Variants in DHX9 observed in about 807,000 individuals in gnomAD.
DHX9 encodes DExH-box helicase 9.
Under a neutral mutation model 148.7 loss-of-function variants are expected in DHX9, and 27 were observed. That is an observed-to-expected ratio of 0.18 (90% CI 0.13 to 0.25). The LOEUF is 0.25. Ranked by LOEUF, DHX9 falls within the 10% of genes least tolerant of loss-of-function variation. The pLI is 1.00. For missense variants in DHX9, 796 were observed against 1,559.6 expected (o/e 0.51, Z 8.25); for synonymous variants, 529 against 516.6 (o/e 1.02, Z -0.33).
At chr1:182,854,509 G>T (rs1024128121) in intron 6 of DHX9, among the ~76,000 whole-genome samples, 6 of 152,060 alleles carry the variant, frequency 3.9e-5, no homozygotes, top group Non-Finnish European at 7.4e-5. Flanking sequence ...GCCAAAGGTG[G>T]TGATTTTTTT....
At chr1:182,874,567 G>A (rs146789407) in intron 15 of DHX9, among the ~76,000 whole-genome samples, 40 of 152,254 alleles carry the variant, frequency 2.6e-4, no homozygotes, top group Non-Finnish European at 5.1e-4. Flanking sequence ...CCACACAATG[G>A]AAGTGTATAG....
intron 27 of DHX9, among the ~76,000 whole-genome samples, chr1:182,886,544 G>C (rs1171780945): frequency 6.6e-6 from 1 of 152,110 alleles, no homozygotes; most frequent in South Asian, 2.1e-4. Context: ...TGTTATTCTC[G>C]AAGAAAAGCT....
At position 182,853,435 on chromosome 1, in the gene DHX9, AGGTTACATCTCT is replaced by A. The variant is rs752034909; in HGVS notation, c.477+19_477+30del. 4.2e-5 allele frequency: 65 copies of A among 1,563,422 alleles called. No homozygotes were observed. Among genetic ancestry groups the A allele is most frequent in the Non-Finnish European group, 5.3e-5 (60 of 1,139,728 alleles). On this transcript the variant is annotated intron_variant, in intron 5 of 27. Transcript: ENST00000367549. ...GTGCAAGCGGTAAGGCCAGCACCGT[AGGTTACATCTCT>A]GAGAATGTGATTTGGGACTTAGTTA...
At chr1:182,872,946 GTTCT>G (rs970683853) in intron 15 of DHX9, among the ~76,000 whole-genome samples, 6 of 152,026 alleles carry the variant, frequency 3.9e-5, no homozygotes, top group Non-Finnish European at 7.4e-5. Flanking sequence ...ATAAGTGAGA[GTTCT>G]TTAGTATCTT....
At chr1:182,876,679 C>G (rs1648818891) in intron 18 of DHX9, 138 bp downstream of exon 18, 2 of 936,162 alleles carry the variant, frequency 2.1e-6, no homozygotes, top group Admixed American at 2.4e-5. Flanking sequence ...TCTTTCTGAG[C>G]TTAGTAGATT....
chr1:182,854,547 T>A (rs1163022325), intron 6 of DHX9, among the ~76,000 whole-genome samples: 1 of 152,116 alleles, frequency 6.6e-6, no homozygotes, highest in Non-Finnish European at 1.5e-5. Context: ...TAGAGGCAGT[T>A]ACTATTTCTT....
intron 12 of DHX9, 49 bp from the exon 13 acceptor site, chr1:182,866,395 A>C (rs1648298622): frequency 6.3e-7 from 1 of 1,592,698 alleles, no homozygotes; most frequent in African/African-American, 1.3e-5. Context: ...ATAAACAAGT[A>C]TATCTAACTT....
chr1:182,850,968 G>A (rs1278113702), intron 3 of DHX9, among the ~76,000 whole-genome samples: 1 of 152,188 alleles, frequency 6.6e-6, no homozygotes, highest in African/African-American at 2.4e-5. Flanking sequence ...TTAGGTTGGT[G>A]TAGATAGAGA....
At chr1:182,844,861 C>G (rs1019481217) in intron 3 of DHX9, among the ~76,000 whole-genome samples, 2 of 151,936 alleles carry the variant, frequency 1.3e-5, no homozygotes, top group Non-Finnish European at 2.9e-5. Context: ...CAGATTTTCA[C>G]CATGTTGGCC....
At chr1:182,866,616 G>C (rs774920427) in intron 13 of DHX9, 31 bp downstream of exon 13, 1 of 1,593,302 alleles carries the variant, frequency 6.3e-7, no homozygotes, top group South Asian at 1.1e-5. Context: ...TTTCATTTGG[G>C]GTTTATATTG....
intron 24 of DHX9, 121 bp from the exon 25 acceptor site, chr1:182,883,018 G>C (rs1235839551): frequency 5.9e-6 from 4 of 675,946 alleles, no homozygotes; most frequent in African/African-American, 1.8e-5. Context: ...AAGTTTTACA[G>C]ACAGGTTATG....
Position 182,879,350 on chromosome 1 carries a change from G to A in DHX9, c.2452G>A (p.Ala818Thr). The A allele has an allele frequency of 6.5e-7, 1 of 1,539,458 alleles. No homozygotes were observed. The highest frequency in any genetic ancestry group is 8.9e-7 in the Non-Finnish European group (1 of 1,126,620). ...LRLGGIGQFLAKAIEPPPLDA... is the reference protein window; with the variant it reads ...LRLGGIGQFLTKAIEPPPLDA... ...TCTAGGAGGAATTGGCCAATTTCTGGCCAAAGCAATTGAACCTCCCCCTTT... is the reference window on the plus strand; with the variant it reads ...TCTAGGAGGAATTGGCCAATTTCTGACCAAAGCAATTGAACCTCCCCCTTT... The change falls in exon 21 of 28, where the codon GCC (alanine) becomes ACC (threonine). Residue 818 changes from alanine (A) to threonine (T), a missense_variant. Transcript: ENST00000367549.
chr1:182,856,459 C>T, intron 6 of DHX9, 73 bp from the exon 7 acceptor site: 1 of 1,359,770 alleles, frequency 7.4e-7, no homozygotes, highest in Non-Finnish European at 1.0e-6. Flanking sequence ...GAAAGCCTGC[C>T]TGACTTGGGA....
At chr1:182,875,029 T>A in intron 16 of DHX9, 75 bp downstream of exon 16, 1 of 1,127,510 alleles carries the variant, frequency 8.9e-7, no homozygotes, top group East Asian at 2.4e-5. Context: ...TAATGTAACA[T>A]GCAATGTATT....
At chr1:182,856,738 A>T (rs987788101) in intron 7 of DHX9, among the ~76,000 whole-genome samples, 160 bp downstream of exon 7, 8 of 152,204 alleles carry the variant, frequency 5.3e-5, no homozygotes, top group African/African-American at 1.7e-4. Flanking sequence ...TAATTATATA[A>T]ATTAGAGGCA....
At chr1:182,866,712 T>A in intron 13 of DHX9, 127 bp downstream of exon 13, 1 of 1,226,894 alleles carries the variant, frequency 8.2e-7, no homozygotes, top group Non-Finnish European at 1.1e-6. Flanking sequence ...AAATAAAACT[T>A]TTGGCAGTTT....
At chr1:182,853,793 ATT>A (rs377330722) in intron 5 of DHX9, among the ~76,000 whole-genome samples, 3 of 145,674 alleles carry the variant, frequency 2.1e-5, no homozygotes, top group South Asian at 2.2e-4. Flanking sequence ...AGAAGTTGTC[ATT>A]TTTTTTTTTT....
chr1:182,884,133 G>A (rs568211478), intron 26 of DHX9, among the ~76,000 whole-genome samples: 12 of 152,204 alleles, frequency 7.9e-5, no homozygotes, highest in African/African-American at 2.4e-4. Context: ...AATTAGCCCC[G>A]TGTGGTAGCG....
intron 1 of DHX9, among the ~76,000 whole-genome samples, chr1:182,841,429 A>G (rs1162726702): frequency 6.6e-6 from 1 of 152,218 alleles, no homozygotes; most frequent in Non-Finnish European, 1.5e-5. Flanking sequence ...CGTATTTCAT[A>G]TTACTCATTC....
Sources: gnomAD v4.1 joint callset for allele counts (sites outside exome capture counted in the v4.1 genomes callset) on GRCh38, gnomAD v4.1.1 for gene constraint, MANE v1.5 for transcripts, NCBI Gene and HGNC (gene_info 2026-07-23, HGNC 2026-07-21) for gene names.